Variants in PRTG observed in about 807,000 individuals in gnomAD.
The protein encoded by PRTG is protogenin.
In PRTG, 67 loss-of-function variants were observed where a neutral mutation model predicts 122.5. The observed-to-expected ratio is 0.55, with a 90% confidence interval of 0.45 to 0.67. The LOEUF (loss-of-function observed/expected upper bound fraction) is 0.67. Among genes scored for constraint, PRTG ranks in the 30% least tolerant of loss-of-function variants. PRTG has a pLI of 0.00. For synonymous variants in PRTG, 554 were observed against 501.1 expected (o/e 1.11, Z -1.41); for missense variants, 1,435 against 1,415.4 (o/e 1.01, Z -0.22).
chr15:55,644,457 C>A (rs1042686508), intron 11 of PRTG, among the ~76,000 whole-genome samples: 1 of 152,118 alleles, frequency 6.6e-6, no homozygotes, highest in Non-Finnish European at 1.5e-5. Context: ...ATTGATTCTT[C>A]AAGTTTTCCC....
chr15:55,739,868 A>G (rs1161661199), intron 2 of PRTG, among the ~76,000 whole-genome samples: 12 of 152,348 alleles, frequency 7.9e-5, no homozygotes, highest in African/African-American at 2.9e-4. Context: ...GGAATACTTC[A>G]AAGGCTTAAG....
chr15:55,717,796 A>C (rs2141863405), intron 2 of PRTG, among the ~76,000 whole-genome samples: 1 of 152,342 alleles, frequency 6.6e-6, no homozygotes, highest in East Asian at 1.9e-4. Flanking sequence ...TTTTTCTTTA[A>C]AAAAACACAC....
intron 2 of PRTG, among the ~76,000 whole-genome samples, chr15:55,696,167 G>C (rs2059631121): frequency 6.6e-6 from 1 of 152,058 alleles, no homozygotes; most frequent in Admixed American, 6.6e-5. Flanking sequence ...GGGAGGCTGA[G>C]GTAAGAGGAT....
intron 11 of PRTG, among the ~76,000 whole-genome samples, chr15:55,647,116 C>T (rs1264089472): frequency 6.6e-6 from 1 of 152,102 alleles, no homozygotes; most frequent in African/African-American, 2.4e-5. Flanking sequence ...CCCATCTCCA[C>T]TCAAAGAAAA....
At chr15:55,731,394 G>T (rs1248364192) in intron 2 of PRTG, among the ~76,000 whole-genome samples, 2 of 116,524 alleles carry the variant, frequency 1.7e-5, no homozygotes, top group Non-Finnish European at 3.3e-5. Context: ...TTTTGGAGAT[G>T]CAGTCTTGTT....
intron 11 of PRTG, among the ~76,000 whole-genome samples, chr15:55,644,105 C>G (rs2059307569): frequency 6.6e-6 from 1 of 152,186 alleles, no homozygotes; most frequent in Non-Finnish European, 1.5e-5. Context: ...TCACAAAGTG[C>G]TGGGATTACA....
chr15:55,741,820 T>C (rs1392253913), intron 1 of PRTG, among the ~76,000 whole-genome samples: 1 of 152,212 alleles, frequency 6.6e-6, no homozygotes, highest in Non-Finnish European at 1.5e-5. Context: ...CCCAGCGCTG[T>C]GCGCGGACCA....
At chr15:55,635,074 G>GGTGTGTGT (rs869048936) in intron 15 of PRTG, among the ~76,000 whole-genome samples, 1 of 135,338 alleles carries the variant, frequency 7.4e-6, no homozygotes, top group Non-Finnish European at 1.6e-5. Context: ...GTTGGTTCTG[G>GGTGTGTGT]GTGTGTGTGT....
chr15:55,624,382 A>C lies in PRTG; in HGVS notation c.3053T>G (p.Leu1018Ter). 6.2e-7 allele frequency: 1 copy of C among 1,614,126 alleles called. No individual in the cohort carries two copies. The highest frequency in any genetic ancestry group is 8.5e-7 in the Non-Finnish European group (1 of 1,179,996). Reference protein sequence around the residue: ...LEGAVGNEESLMPMIMPNSFI... With the variant: ...LEGAVGNEES ...GCTGTTTGGCATGATCATTGGCATT[A>C]AAGATTCTTCATTTCCTACAGCTCC... Residue 1018 changes from leucine to a stop codon, truncating the protein, a stop_gained, in exon 18 of 20, where the codon TTA becomes TGA. Coordinates refer to ENST00000389286, the MANE Select transcript of PRTG (RefSeq NM_173814.6). LOFTEE classifies it high-confidence loss of function.
chr15:55,675,726 A>G, intron 8 of PRTG, 43 bp from the exon 9 acceptor site: 1 of 1,309,990 alleles, frequency 7.6e-7, no homozygotes, highest in South Asian at 1.3e-5. Context: ...GATATTCAAA[A>G]TAAAATTAAC....
Position 55,661,509 on chromosome 15 carries a change from C to CTTTA in PRTG, c.2041+10932_2041+10935dup, listed in dbSNP as rs141085124. 4.8e-3 allele frequency among the ~76,000 whole-genome samples: 734 copies of CTTTA among 152,248 alleles called. 7 individuals are homozygous for CTTTA. Among genetic ancestry groups the CTTTA allele is most frequent in the African/African-American group, 0.017 (708 of 41,532 alleles). On this transcript the variant is annotated intron_variant, in intron 11 of 19. Coordinates refer to ENST00000389286, the MANE Select transcript of PRTG (RefSeq NM_173814.6). The stretch of plus-strand genomic sequence containing the variant: ...GTGAGGCTCCACAAGTACTGTAAAT[C>CTTTA]TTTACCCAGTGCCAAAGGTCAAAGG...
Position 55,683,993 on chromosome 15 carries a change from T to C in PRTG, c.398-62A>G, listed in dbSNP as rs2059556445. 15 of 1,387,792 alleles carry C rather than the reference T, an allele frequency of 1.1e-5. No homozygotes were observed. In the Admixed American group the frequency reaches 1.4e-4, roughly 13 times the overall value. The allele number at this position is 1,387,792 out of a possible 1,614,324, so 86.0% of individuals were successfully genotyped here. A position where few individuals can be genotyped will look rare whatever the true frequency, so the allele number is the denominator to read the frequency against. ...ATGAAAATAACACTTAGAAGTAACA[T>C]TACACTAGATATTACTTATTGGACT... On this transcript the variant is annotated intron_variant, in intron 2 of 19. Coordinates refer to ENST00000389286, the MANE Select transcript of PRTG (RefSeq NM_173814.6).
intron 2 of PRTG, among the ~76,000 whole-genome samples, chr15:55,708,166 A>AAC (rs2030219024): frequency 1.0e-5 from 1 of 98,230 alleles, no homozygotes; most frequent in Non-Finnish European, 2.1e-5. Flanking sequence ...AAAAAAAAAA[A>AAC]AAAAAAAAAA....
intron 2 of PRTG, among the ~76,000 whole-genome samples, chr15:55,714,206 T>TCTCTCTCTCTCC (rs2030510112): frequency 1.1e-4 from 2 of 17,772 alleles, no homozygotes; most frequent in African/African-American, 3.3e-4. Context: ...TATTTATCTG[T>TCTCTCTCTCTCC]CTCTCTCTCT....
In PRTG at chr15:55,728,729, T is replaced by C. The variant is rs191052213; in HGVS notation, c.397+11653A>G. 8.7e-3 allele frequency among the ~76,000 whole-genome samples: 1,314 copies of C among 150,774 alleles called. 10 individuals carry two copies. The highest frequency in any genetic ancestry group is 0.012 in the Non-Finnish European group (819 of 67,850). On this transcript the variant is annotated intron_variant, in intron 2 of 19. Transcript: ENST00000389286. ...CTGCTATCACCACTGTGATTTAACA[T>C]TGTACTAAAAATTCTAGACAGAGCA...
intron 2 of PRTG, among the ~76,000 whole-genome samples, chr15:55,701,496 T>A (rs2059663533): frequency 1.3e-5 from 2 of 152,138 alleles, no homozygotes. Context: ...ATCACGCCAC[T>A]GCACCCCAGC....
chr15:55,702,925 G>A (rs1460251043), intron 2 of PRTG: 2 of 985,184 alleles, frequency 2.0e-6, no homozygotes, highest in East Asian at 1.1e-4. Flanking sequence ...AGCATATCCT[G>A]CAGACACATG....
intron 14 of PRTG, among the ~76,000 whole-genome samples, chr15:55,638,288 A>G (rs558579686): frequency 6.6e-6 from 1 of 152,336 alleles, no homozygotes; most frequent in East Asian, 1.9e-4. Flanking sequence ...TGAACAGCAC[A>G]CCTGATCTTT....
At chr15:55,644,139 G>GA (rs1473507972) in intron 11 of PRTG, among the ~76,000 whole-genome samples, 2 of 152,242 alleles carry the variant, frequency 1.3e-5, no homozygotes, top group East Asian at 1.9e-4. Flanking sequence ...ACGCCCAGCT[G>GA]AAAAATACTT....
Sources: gnomAD v4.1 joint callset for allele counts (sites outside exome capture counted in the v4.1 genomes callset) on GRCh38, gnomAD v4.1.1 for gene constraint, MANE v1.5 for transcripts, NCBI Gene and HGNC (gene_info 2026-07-23, HGNC 2026-07-21) for gene names.